The following FSD1L variants were observed in gnomAD, a reference collection of about 807,000 sequenced individuals.
FSD1L encodes fibronectin type III and SPRY domain containing 1 like, also known as FSD1-like protein.
FSD1L carries 45 observed loss-of-function variants against 71.6 expected under a neutral mutation model. That is an observed-to-expected ratio of 0.63 (90% CI 0.49 to 0.81). The LOEUF (loss-of-function observed/expected upper bound fraction) is 0.81. Ranked by LOEUF, FSD1L falls within the 30% of genes least tolerant of loss-of-function variation. FSD1L has a pLI of 0.00. For missense variants in FSD1L, 561 were observed against 618.1 expected, an observed-to-expected ratio of 0.91 and a Z score of 0.98; for synonymous variants, 197 against 207.2, an observed-to-expected ratio of 0.95 and a Z score of 0.42.
rs768503721 is a variant in FSD1L, at chr9:105,550,630, T to C, written c.*4147T>C. ...GAGTATTTGATTAACCTAAACAGTT[T>C]AAGCATTTTGAATTAGTTGGAGTTT... is the stretch of plus-strand genomic sequence containing the variant. On this transcript the variant is annotated 3_prime_UTR_variant, in exon 14 of 14. Coordinates refer to ENST00000481272, the MANE Select transcript of FSD1L (RefSeq NM_001145313.3). 2 of 152,092 alleles carry C rather than the reference T, an allele frequency of 1.3e-5. No individual in the cohort carries two copies. Among genetic ancestry groups the C allele is most frequent in the Non-Finnish European group, 2.9e-5 (2 of 67,942 alleles). 9.4% of individuals were successfully genotyped at this position (152,092 alleles called of 1,614,324 possible). A position where few individuals can be genotyped will look rare whatever the true frequency, so the allele number is the denominator to read the frequency against.
intron 10 of FSD1L, among the ~76,000 whole-genome samples, chr9:105,529,916 T>C (rs1445874927): frequency 6.6e-6 from 1 of 152,054 alleles, no homozygotes; most frequent in African/African-American, 2.4e-5. Context: ...AGTGGGAAAA[T>C]GTATGGTTGT....
At chr9:105,459,032 A>G (rs1205698986) in intron 1 of FSD1L, among the ~76,000 whole-genome samples, 1 of 152,178 alleles carries the variant, frequency 6.6e-6, no homozygotes, top group Non-Finnish European at 1.5e-5. Context: ...CATATTGCCT[A>G]CCATATCTAG....
At chr9:105,494,174 A>T (rs1188796009) in intron 7 of FSD1L, among the ~76,000 whole-genome samples, 2 of 152,078 alleles carry the variant, frequency 1.3e-5, no homozygotes, top group Non-Finnish European at 2.9e-5. Flanking sequence ...ACATAGTCCC[A>T]TATTTCTTGG....
At chr9:105,490,381 G>A (rs2131740290) in intron 7 of FSD1L, among the ~76,000 whole-genome samples, 1 of 152,268 alleles carries the variant, frequency 6.6e-6, no homozygotes, top group South Asian at 2.1e-4. Flanking sequence ...ATTTGTTTGA[G>A]TTCATTGTAG....
In FSD1L at chr9:105,532,799, G is replaced by A. The variant is rs79698026; in HGVS notation, c.1026-1694G>A. Among the ~76,000 whole-genome samples the A allele has an allele frequency of 9.2e-3, 1,404 of 152,304 alleles. 22 individuals are homozygous for A. The highest frequency in any genetic ancestry group is 0.032 in the African/African-American group (1,345 of 41,568). On this transcript the variant is annotated intron_variant, in intron 10 of 13. Transcript: ENST00000481272. The stretch of plus-strand genomic sequence containing the variant: ...AATTAAACTAAGTCATGTGAGTGTT[G>A]TAGTTCTAGACTTACACTTTTGCTA...
chr9:105,472,995 T>A (rs1435420456), intron 5 of FSD1L: 2 of 152,162 alleles, frequency 1.3e-5, no homozygotes, highest in Non-Finnish European at 2.9e-5. Flanking sequence ...GTACTATATT[T>A]AAAAGTACTT....
chr9:105,450,886 C>A (rs936138733), intron 1 of FSD1L, among the ~76,000 whole-genome samples: 1 of 152,170 alleles, frequency 6.6e-6, no homozygotes, highest in Non-Finnish European at 1.5e-5. Context: ...TACAAAAATA[C>A]TGTTAGCTAC....
intron 6 of FSD1L, among the ~76,000 whole-genome samples, chr9:105,479,760 A>G (rs988009782): frequency 1.3e-5 from 2 of 152,046 alleles, no homozygotes; most frequent in Non-Finnish European, 2.9e-5. Context: ...CTTTGAACTC[A>G]CTCATTTTAA....
At chr9:105,478,047 G>T (rs1429757308) in intron 5 of FSD1L, among the ~76,000 whole-genome samples, 1 of 152,058 alleles carries the variant, frequency 6.6e-6, no homozygotes, top group African/African-American at 2.4e-5. Context: ...GATCAAGACT[G>T]TCTTGTCTAA....
intron 1 of FSD1L, among the ~76,000 whole-genome samples, chr9:105,453,043 TG>T (rs756272281): frequency 0.11 from 13,896 of 129,004 alleles, 1,117 homozygotes; most frequent in African/African-American, 0.2. Context: ...GACCTAAAGT[TG>T]TTTTTTTTTT....
chr9:105,510,862 T>C (rs1367924166), intron 9 of FSD1L, among the ~76,000 whole-genome samples: 3 of 152,112 alleles, frequency 2.0e-5, no homozygotes, highest in Non-Finnish European at 4.4e-5. Context: ...AAGTTAAACA[T>C]ATGAAACATA....
intron 7 of FSD1L, among the ~76,000 whole-genome samples, chr9:105,489,427 A>G (rs1474750857): frequency 6.6e-6 from 1 of 152,192 alleles, no homozygotes; most frequent in Non-Finnish European, 1.5e-5. Flanking sequence ...AGAGCTAAAA[A>G]TAAACAAAAG....
chr9:105,514,665 T>G (rs1347968511), intron 10 of FSD1L, among the ~76,000 whole-genome samples: 6 of 152,172 alleles, frequency 3.9e-5, no homozygotes, highest in Non-Finnish European at 7.3e-5. Flanking sequence ...CAAGCCTTTA[T>G]TGATTTGCTG....
intron 1 of FSD1L, among the ~76,000 whole-genome samples, chr9:105,450,216 C>A (rs1037869838): frequency 6.6e-5 from 10 of 152,108 alleles, no homozygotes; most frequent in Admixed American, 1.3e-4. Context: ...ACACCCCAGA[C>A]ATGATTTTTA....
At chr9:105,526,575 A>G (rs1210526993) in intron 10 of FSD1L, among the ~76,000 whole-genome samples, 3 of 152,264 alleles carry the variant, frequency 2.0e-5, no homozygotes, top group Non-Finnish European at 4.4e-5. Context: ...CCACCTTAGC[A>G]TGAACATAGG....
chr9:105,483,429 T>C (rs984669983), intron 6 of FSD1L, among the ~76,000 whole-genome samples: 26 of 152,154 alleles, frequency 1.7e-4, no homozygotes, highest in African/African-American at 6.3e-4. Flanking sequence ...ACCAGCTCTG[T>C]TTCCTTCCCC....
At chr9:105,487,657 G>T (rs1459477974) in intron 7 of FSD1L, among the ~76,000 whole-genome samples, 3 of 151,868 alleles carry the variant, frequency 2.0e-5, no homozygotes, top group African/African-American at 7.3e-5. Context: ...TGTCCTATGT[G>T]GTGTATATCC....
At chr9:105,461,655 A>G in intron 2 of FSD1L, 40 bp downstream of exon 2, 4 of 1,223,224 alleles carry the variant, frequency 3.3e-6, no homozygotes, top group Non-Finnish European at 3.5e-6. Context: ...TAACTTGAAG[A>G]TCTGATTCAA....
At chr9:105,503,285 A>T (rs535831097) in intron 7 of FSD1L, among the ~76,000 whole-genome samples, 2 of 152,152 alleles carry the variant, frequency 1.3e-5, no homozygotes, top group African/African-American at 4.8e-5. Context: ...GATGGAATCA[A>T]ATTAACTTAT....
Sources: gnomAD v4.1 joint callset for allele counts (sites outside exome capture counted in the v4.1 genomes callset) on GRCh38, gnomAD v4.1.1 for gene constraint, MANE v1.5 for transcripts, NCBI Gene and HGNC (gene_info 2026-07-23, HGNC 2026-07-21) for gene names.